Variants in RPL10 observed in about 807,000 individuals in gnomAD.
RPL10 encodes large ribosomal subunit protein uL16.
In RPL10, 1 loss-of-function variant was observed where a neutral mutation model predicts 15.7. That is an observed-to-expected ratio of 0.06 (90% confidence interval 0.02 to 0.30). RPL10 has a LOEUF of 0.30. Among genes scored for constraint, RPL10 ranks in the 10% least tolerant of loss-of-function variants. RPL10 has a pLI of 1.00. For synonymous variants in RPL10, 59 were observed against 64.0 expected (o/e 0.92, Z 0.37); for missense variants, 54 against 183.4 (o/e 0.29, Z 4.08).
chrX:154,398,114 C>T, upstream of RPL10: 1 of 328,776 alleles, frequency 3.0e-6, no homozygotes, highest in South Asian at 3.2e-5. Context: ...AAGAGTTCTA[C>T]GCCCAAGATG....
upstream of RPL10, chrX:154,398,247 A>G (rs782635604): frequency 4.0e-6 from 2 of 501,098 alleles, no homozygotes; most frequent in Non-Finnish European, 7.2e-6. Context: ...GCCCGGGCGC[A>G]AGCGCCAAGA....
In RPL10 at chrX:154,401,322, C is replaced by T. The variant is rs17423; in HGVS notation, c.*468C>T. On this transcript the variant is annotated 3_prime_UTR_variant, in exon 7 of 7. Transcript: ENST00000369817. ...GCTTGTTCTCACCCATCTGGTTTGGCCATTCCTCCTTGGTGGGAATCATCC... is the reference window on the plus strand; with the variant it reads ...GCTTGTTCTCACCCATCTGGTTTGGTCATTCCTCCTTGGTGGGAATCATCC... 283 of 189,129 alleles carry T rather than the reference C, an allele frequency of 1.5e-3. No individual in the cohort carries two copies. The highest frequency in any genetic ancestry group is 2.3e-3 in the Non-Finnish European group (233 of 101,422). The allele number at this position is 189,129 out of a possible 1,213,427, so 15.6% of individuals were successfully genotyped here. A position where few individuals can be genotyped will look rare whatever the true frequency, so the allele number is the denominator to read the frequency against.
chrX:154,400,101 C>A, intron 5 of RPL10, 160 bp downstream of exon 5: 1 of 625,346 alleles, frequency 1.6e-6, no homozygotes, highest in Non-Finnish European at 2.6e-6. Context: ...AGGACCCCTT[C>A]CTGCAGATAC....
chrX:154,399,924 C>T lies in RPL10; in HGVS notation c.312C>T (p.Ser104=). 2 of 1,212,172 alleles carry T rather than the reference C, an allele frequency of 1.6e-6. No individual in the cohort carries two copies. Among genetic ancestry groups the T allele is most frequent in the Non-Finnish European group, 2.2e-6 (2 of 895,590 alleles). ...FHVIRINKML[S]CAGADRLQTG... Reference sequence around the variant, plus strand: ...TCATCCGCATCAACAAGATGTTGTCCTGTGCTGGGGCTGACAGGTGAGCTT... The same window carrying T: ...TCATCCGCATCAACAAGATGTTGTCTTGTGCTGGGGCTGACAGGTGAGCTT... Residue 104 remains serine, a synonymous_variant, in exon 5 of 7, where the codon TCC becomes TCT. Transcript: ENST00000369817.
At position 154,399,359 on chromosome X, in the gene RPL10, G is replaced by A. The variant is rs1327466305; in HGVS notation, c.45G>A (p.Lys15=). 8.3e-7 allele frequency: 1 copy of A among 1,209,917 alleles called. No individual in the cohort carries two copies. Among genetic ancestry groups the A allele is most frequent in the Non-Finnish European group, 1.1e-6 (1 of 895,188 alleles). ...PARCYRYCKN[K]PYPKSRFCRG... is the part of the protein sequence containing the mutation. ...GCAGTTACCGGTATTGTAAGAACAAGCCGTACCCAAAGTCTCGCTTCTGCC... is the reference window on the plus strand; with the variant it reads ...GCAGTTACCGGTATTGTAAGAACAAACCGTACCCAAAGTCTCGCTTCTGCC... The change falls in exon 3 of 7, where the codon AAG becomes AAA. Residue 15 remains lysine (K), a synonymous_variant. Coordinates refer to ENST00000369817, the MANE Select transcript of RPL10 (RefSeq NM_006013.5).
upstream of RPL10, chrX:154,398,372 A>C (rs782503502): frequency 2.1e-5 from 15 of 717,099 alleles, no homozygotes; most frequent in East Asian, 3.8e-4. Context: ...CAGGCGGAGG[A>C]GCGCCTCTTT....
chrX:154,399,064 T>G, intron 2 of RPL10: 1 of 439,567 alleles, frequency 2.3e-6, no homozygotes, highest in Non-Finnish European at 4.1e-6. Flanking sequence ...AGAGAGAATT[T>G]TTAACTAGGA....
chrX:154,399,625 C>A (rs201995888), intron 4 of RPL10, 31 bp downstream of exon 4: 1 of 1,184,845 alleles, frequency 8.4e-7, no homozygotes, highest in Non-Finnish European at 1.1e-6. Flanking sequence ...CGTCACCCCC[C>A]AGTCCTTCCT....
upstream of RPL10, chrX:154,398,153 A>T: frequency 2.6e-6 from 1 of 391,046 alleles, no homozygotes; most frequent in South Asian, 2.9e-5. Context: ...TCTCGCGACC[A>T]TGTGGCGAAG....
chrX:154,401,141 T>C lies in RPL10; in HGVS notation c.*287T>C, dbSNP rs2068023004. ...AGGTTGAAAAACACTGAAGTGCTTTTCATGAAGCACAGCTGCAGCAAAGCC... is the reference window on the plus strand; with the variant it reads ...AGGTTGAAAAACACTGAAGTGCTTTCCATGAAGCACAGCTGCAGCAAAGCC... On this transcript the variant is annotated 3_prime_UTR_variant, in exon 7 of 7. Transcript: ENST00000369817. 7.6e-6 allele frequency: 4 copies of C among 524,679 alleles called. No individual in the cohort carries two copies. Among genetic ancestry groups the C allele is most frequent in the South Asian group, 3.1e-5 (1 of 31,929 alleles). The allele number at this position is 524,679 out of a possible 1,213,427, so 43.2% of individuals were successfully genotyped here. A position where few individuals can be genotyped will look rare whatever the true frequency, so the allele number is the denominator to read the frequency against.
Position 154,399,610 on chromosome X carries a change from T to C in RPL10, c.190+16T>C. On this transcript the variant is annotated intron_variant, in intron 4 of 6. Coordinates refer to ENST00000369817, the MANE Select transcript of RPL10 (RefSeq NM_006013.5). The stretch of plus-strand genomic sequence containing the variant: ...TCCTCTGAAGGTAAGGCAGGATTCT[T>C]TGTTCGTCACCCCCCAGTCCTTCCT... 1.7e-6 allele frequency: 2 copies of C among 1,198,966 alleles called. No homozygotes were observed. The highest frequency in any genetic ancestry group is 2.3e-6 in the Non-Finnish European group (2 of 883,975).
At chrX:154,399,104 G>C (rs1557185104) in intron 2 of RPL10, 1 of 465,602 alleles carries the variant, frequency 2.1e-6, no homozygotes, top group Non-Finnish European at 3.9e-6. Flanking sequence ...TATAGGAAGC[G>C]TAAGACAAAG....
In RPL10 at chrX:154,401,116, A is replaced by G; in HGVS notation, c.*262A>G. ...TGGACCTCCCCAGGTCCTAGGCAGT[A>G]GGTTGAAAAACACTGAAGTGCTTTT... On this transcript the variant is annotated 3_prime_UTR_variant, in exon 7 of 7. Coordinates refer to ENST00000369817, the MANE Select transcript of RPL10 (RefSeq NM_006013.5). The G allele has an allele frequency of 1.4e-6, 1 of 724,890 alleles. No homozygotes were observed. The highest frequency in any genetic ancestry group is 1.9e-6 in the Non-Finnish European group (1 of 519,686). The allele number at this position is 724,890 out of a possible 1,213,427, so 59.7% of individuals were successfully genotyped here.
rs1557186300 is a variant in RPL10 at position 154,401,492 on chromosome X, T to A, written c.*638T>A. ...GTCTAGGCTAACCTTTGGTCATTTG[T>A]AACAAGACCTCGGAACAGACACGTG... On this transcript the variant is annotated 3_prime_UTR_variant, in exon 7 of 7. Transcript: ENST00000369817. 2 of 123,209 alleles carry A rather than the reference T, an allele frequency of 1.6e-5. No individual in the cohort carries two copies. The highest frequency in any genetic ancestry group is 3.2e-5 in the African/African-American group (1 of 31,175). The allele number at this position is 123,209 out of a possible 1,213,427, so 10.2% of individuals were successfully genotyped here.
In RPL10 at chrX:154,400,515, C is replaced by T; in HGVS notation, c.381C>T (p.Ala127=). Residue 127 remains alanine, a synonymous_variant, in exon 6 of 7, where the codon GCC becomes GCT. Coordinates refer to ENST00000369817, the MANE Select transcript of RPL10 (RefSeq NM_006013.5). ...GAFGKPQGTV[A]RVHIGQVIMS... is the part of the protein sequence containing the mutation. ...TTGGAAAGCCCCAGGGCACTGTGGCCAGGGTTCACATTGGCCAAGTTATCA... is the reference window on the plus strand; with the variant it reads ...TTGGAAAGCCCCAGGGCACTGTGGCTAGGGTTCACATTGGCCAAGTTATCA... 1 of 1,206,121 alleles carries T rather than the reference C, an allele frequency of 8.3e-7. No homozygotes were observed.
At chrX:154,400,271 T>C (rs1557185646) in intron 5 of RPL10, 193 bp from the exon 6 acceptor site, 1 of 589,820 alleles carries the variant, frequency 1.7e-6, no homozygotes, top group African/African-American at 2.2e-5. Flanking sequence ...TCAGTGGTTC[T>C]TGGGATGCTC....
At chrX:154,398,423 G>C in intron 1 of RPL10, 29 bp downstream of exon 1, 1 of 1,059,415 alleles carries the variant, frequency 9.4e-7, no homozygotes, top group Non-Finnish European at 1.3e-6. Flanking sequence ...CGTCTCTTGC[G>C]GTGCCGTTGC....
At chrX:154,399,725 C>A in intron 4 of RPL10, 78 bp from the exon 5 acceptor site, 1 of 1,180,753 alleles carries the variant, frequency 8.5e-7, no homozygotes, top group Non-Finnish European at 1.2e-6. Context: ...AACACAGTTC[C>A]CCTGAGCTGG....
intron 5 of RPL10, chrX:154,400,151 A>G (rs944332102): frequency 3.7e-6 from 2 of 546,434 alleles, no homozygotes; most frequent in Non-Finnish European, 3.2e-6. Context: ...TCTTCCCCAC[A>G]GGTTAGGGGA....
Sources: allele counts gnomAD v4.1 joint callset, GRCh38; gene constraint gnomAD v4.1.1; transcripts MANE v1.5; gene names NCBI Gene and HGNC (gene_info 2026-07-23, HGNC 2026-07-21).